The following CCDC50 variants were observed in gnomAD, a reference collection of about 807,000 sequenced individuals.
CCDC50 encodes the protein coiled-coil domain-containing protein 50.
CCDC50 carries 54 observed loss-of-function variants against 70.2 expected under a neutral mutation model. The observed-to-expected ratio is 0.77, with a 90% CI of 0.62 to 0.96. CCDC50 has a LOEUF of 0.96. Ranked by LOEUF, CCDC50 falls within the 50% of genes least tolerant of loss-of-function variation. The probability of loss-of-function intolerance (pLI) is 0.00; values close to 1 mark genes in which losing one functional copy is unlikely to be tolerated. For missense variants in CCDC50, 558 were observed against 578.7 expected, an observed-to-expected ratio of 0.96 and a Z score of 0.37; for synonymous variants, 216 against 198.8, an observed-to-expected ratio of 1.09 and a Z score of -0.73.
rs566185695 is a variant in CCDC50 at position 191,375,279 on chromosome 3, G to A, written c.666G>A (p.Gln222=). Residue 222 remains glutamine (Q), a synonymous_variant, in exon 6 of 12, where the codon CAG becomes CAA. Coordinates refer to ENST00000392455, the MANE Select transcript of CCDC50 (RefSeq NM_178335.3). ...GRDNPHINNE[Q]HERKRSTQER... is the part of the protein sequence containing the mutation. ...ACAATCCCCATATTAACAATGAGCA[G>A]CATGAAAGGAAACGGTCCACTCAGG... 10 of 1,613,570 alleles carry A rather than the reference G, an allele frequency of 6.2e-6. No individual in the cohort carries two copies. Among genetic ancestry groups the A allele is most frequent in the Middle Eastern group, 1.6e-4 (1 of 6,078 alleles).
chr3:191,376,586 C>G (rs1713121005), intron 6 of CCDC50, among the ~76,000 whole-genome samples: 1 of 152,048 alleles, frequency 6.6e-6, no homozygotes, highest in Non-Finnish European at 1.5e-5. Context: ...TTTTTCCTGT[C>G]ATGTTATTTC....
chr3:191,380,062 G>A (rs1576972165), intron 6 of CCDC50, 97 bp from the exon 7 acceptor site: 2 of 739,538 alleles, frequency 2.7e-6, no homozygotes, highest in East Asian at 5.4e-5. Flanking sequence ...GTCATTGTTA[G>A]CTACTAAAGA....
chr3:191,342,697 G>A (rs1401021381), intron 1 of CCDC50, among the ~76,000 whole-genome samples: 3 of 152,178 alleles, frequency 2.0e-5, no homozygotes, highest in African/African-American at 7.2e-5. Flanking sequence ...GAGGGCTTGT[G>A]TAAGTGCCAG....
rs1713847763 is a variant in CCDC50, at chr3:191,396,008, A to G, written c.*4248A>G. On this transcript the variant is annotated 3_prime_UTR_variant, in exon 12 of 12. Coordinates refer to ENST00000392455, the MANE Select transcript of CCDC50 (RefSeq NM_178335.3). ...CAATGTCTTTCAAATTATTGGTGGA[A>G]GAATCTCTTTTATCCATGGCGAGAG... 1 of 152,198 alleles carries G rather than the reference A, an allele frequency of 6.6e-6. No individual in the cohort carries two copies. Among genetic ancestry groups the G allele is most frequent in the African/African-American group, 2.4e-5 (1 of 41,460 alleles). The allele number at this position is 152,198 out of a possible 1,614,324, so 9.4% of individuals were successfully genotyped here. A position where few individuals can be genotyped will look rare whatever the true frequency, so the allele number is the denominator to read the frequency against.
At chr3:191,390,661 G>A (rs1293915688) in intron 11 of CCDC50, among the ~76,000 whole-genome samples, 1 of 152,080 alleles carries the variant, frequency 6.6e-6, no homozygotes, top group Non-Finnish European at 1.5e-5. Flanking sequence ...ATTATAGTTA[G>A]CATATAATGA....
At chr3:191,339,131 A>G (rs987868005) in intron 1 of CCDC50, among the ~76,000 whole-genome samples, 1 of 152,216 alleles carries the variant, frequency 6.6e-6, no homozygotes, top group Non-Finnish European at 1.5e-5. Flanking sequence ...TGGGTTGGAA[A>G]CAATGAATAT....
intron 1 of CCDC50, among the ~76,000 whole-genome samples, chr3:191,337,342 A>G (rs1309773748): frequency 6.6e-6 from 1 of 152,022 alleles, no homozygotes; most frequent in African/African-American, 2.4e-5. Flanking sequence ...ATGACAGCCT[A>G]TTTAATTTTT....
rs376944531 is a variant in CCDC50, at chr3:191,369,982, C to T, written c.394C>T (p.Pro132Ser). The part of the protein sequence containing the change: ...QEEKKRKKHF[P>S]EFPATRAYAD... ...AGAGAAAAAGAGAAAGAAACACTTTCCAGAGTTCCCTGCAACCCGTGCTTA... is the reference window on the plus strand; with the variant it reads ...AGAGAAAAAGAGAAAGAAACACTTTTCAGAGTTCCCTGCAACCCGTGCTTA... Residue 132 changes from proline to serine, a missense_variant, in exon 5 of 12, where the codon CCA becomes TCA. Physicochemically the swap from Pro to Ser is moderately conservative, Grantham distance 74. Coordinates refer to ENST00000392455, the MANE Select transcript of CCDC50 (RefSeq NM_178335.3). 1 of 1,613,530 alleles carries T rather than the reference C, an allele frequency of 6.2e-7. No homozygotes were observed. The highest frequency in any genetic ancestry group is 8.5e-7 in the Non-Finnish European group (1 of 1,179,648).
Position 191,398,344 on chromosome 3 carries a change from CT to C in CCDC50, c.*6585del, listed in dbSNP as rs1307890731. On this transcript the variant is annotated 3_prime_UTR_variant, in exon 12 of 12. Coordinates refer to ENST00000392455, the MANE Select transcript of CCDC50 (RefSeq NM_178335.3). ...TTTTAAACCAAAGTATTCTATAAGT[CT>C]GTGTGCTTTGTTTTCCTGGATGGTT... 1 of 151,914 alleles carries C rather than the reference CT, an allele frequency of 6.6e-6. No individual in the cohort carries two copies. Among genetic ancestry groups the C allele is most frequent in the Non-Finnish European group, 1.5e-5 (1 of 67,986 alleles). The allele number at this position is 151,914 out of a possible 1,614,324, so 9.4% of individuals were successfully genotyped here.
chr3:191,348,518 G>T (rs1344600080), intron 1 of CCDC50, among the ~76,000 whole-genome samples: 2 of 142,158 alleles, frequency 1.4e-5, no homozygotes, highest in African/African-American at 2.5e-5. Context: ...CTAGTAGTGG[G>T]ATTATTATAC....
At chr3:191,338,209 A>G (rs2056333) in intron 1 of CCDC50, among the ~76,000 whole-genome samples, 7 of 152,186 alleles carry the variant, frequency 4.6e-5, no homozygotes, top group Middle Eastern at 3.2e-3. Context: ...GGAGGAGTCC[A>G]TGATTGACTT....
intron 4 of CCDC50, among the ~76,000 whole-genome samples, 197 bp from the exon 5 acceptor site, chr3:191,369,722 T>C (rs777246682): frequency 1.3e-5 from 2 of 152,202 alleles, no homozygotes; most frequent in Non-Finnish European, 2.9e-5. Flanking sequence ...TAAAAAAGCC[T>C]GTCTCACTTA....
chr3:191,342,638 C>G (rs562511685), intron 1 of CCDC50, among the ~76,000 whole-genome samples: 145 of 152,180 alleles, frequency 9.5e-4, no homozygotes, highest in Middle Eastern at 3.4e-3. Flanking sequence ...AGATGGGTGG[C>G]TTTTCTTTCT....
chr3:191,384,656 GTTA>G (rs1230414069), intron 10 of CCDC50, among the ~76,000 whole-genome samples: 1 of 151,978 alleles, frequency 6.6e-6, no homozygotes, highest in Non-Finnish European at 1.5e-5. Context: ...AACTTTTGTT[GTTA>G]TTTTTCAAAA....
In CCDC50 at chr3:191,380,875, A is replaced by T. The variant is rs1576972804; in HGVS notation, c.1185A>T (p.Lys395Asn). 2 of 1,612,936 alleles carry T rather than the reference A, an allele frequency of 1.2e-6. No individual in the cohort carries two copies. Among genetic ancestry groups the T allele is most frequent in the African/African-American group, 1.3e-5 (1 of 74,882 alleles). Residue 395 changes from lysine to asparagine, a missense_variant, in exon 9 of 12, where the codon AAA (lysine) becomes AAT (asparagine). Lys to Asn is a moderately conservative substitution (Grantham distance 94, BLOSUM62 0). Coordinates refer to ENST00000392455, the MANE Select transcript of CCDC50 (RefSeq NM_178335.3). ...LMAEEKKAYK[K>N]AKEREKSSLD... ...CTGAAGAAAAGAAAGCTTACAAAAA[A>T]GCCAAGGAGCGGGAGAAATCATCTT...
In CCDC50 at chr3:191,349,130, G is replaced by C. The variant is rs529614118; in HGVS notation, c.50-7958G>C. ...GGTTTTGCTAATGATATTGGCGGTA[G>C]TGATATTGATGTCATTTTGTTGATC... On this transcript the variant is annotated intron_variant, in intron 1 of 11. Transcript: ENST00000392455. Among the ~76,000 whole-genome samples, 80 of 141,606 alleles carry C rather than the reference G, an allele frequency of 5.6e-4. 5 individuals are homozygous for C. Among genetic ancestry groups the C allele is most frequent in the African/African-American group, 2.0e-3 (79 of 39,786 alleles). 92.9% of individuals were successfully genotyped at this position (141,606 alleles called of 152,430 possible). A position where few individuals can be genotyped will look rare whatever the true frequency, so the allele number is the denominator to read the frequency against.
At chr3:191,333,036 A>C (rs985382382) in intron 1 of CCDC50, among the ~76,000 whole-genome samples, 3 of 152,074 alleles carry the variant, frequency 2.0e-5, no homozygotes, top group African/African-American at 7.2e-5. Context: ...CAGTTCTCTC[A>C]ATCTCATTTT....
intron 6 of CCDC50, among the ~76,000 whole-genome samples, chr3:191,377,562 T>TA (rs1713159751): frequency 6.6e-6 from 1 of 152,178 alleles, no homozygotes; most frequent in African/African-American, 2.4e-5. Flanking sequence ...CACAGGGCCA[T>TA]AAAATATCTG....
At chr3:191,371,044 G>A (rs1712896894) in intron 5 of CCDC50, among the ~76,000 whole-genome samples, 1 of 152,096 alleles carries the variant, frequency 6.6e-6, no homozygotes, top group African/African-American at 2.4e-5. Flanking sequence ...ATCAGTTACT[G>A]GGTAACAAAG....
Sources: allele counts gnomAD v4.1 joint callset (sites outside exome capture counted in the v4.1 genomes callset), GRCh38; gene constraint gnomAD v4.1.1; transcripts MANE v1.5; gene names NCBI Gene and HGNC (gene_info 2026-07-23, HGNC 2026-07-21).